The following CRTAC1 variants were observed in gnomAD, a reference collection of about 807,000 sequenced individuals.
CRTAC1 encodes acidic secreted protein in cartilage.
CRTAC1 carries 37 observed loss-of-function variants against 67.8 expected under a neutral mutation model. That is an observed-to-expected ratio of 0.55 (90% confidence interval 0.42 to 0.72). The LOEUF is 0.72. Ranked by LOEUF, CRTAC1 falls within the 30% of genes least tolerant of loss-of-function variation. CRTAC1 has a pLI of 0.00. For missense variants in CRTAC1, 780 were observed against 931.6 expected, an observed-to-expected ratio of 0.84 and a Z score of 2.12; for synonymous variants, 348 against 371.0, an observed-to-expected ratio of 0.94 and a Z score of 0.71.
chr10:97,940,706 G>A (rs569751739), intron 2 of CRTAC1, among the ~76,000 whole-genome samples: 1 of 152,216 alleles, frequency 6.6e-6, no homozygotes. Context: ...CCCCAAGCTT[G>A]TCCCTCGGTT....
intron 2 of CRTAC1, among the ~76,000 whole-genome samples, chr10:98,002,235 C>T (rs575654481): frequency 3.3e-5 from 5 of 152,258 alleles, no homozygotes; most frequent in African/African-American, 7.2e-5. Flanking sequence ...GTAGCTTTGC[C>T]GTTTTCAGCA....
chr10:97,929,037 G>A (rs553480631), intron 3 of CRTAC1, among the ~76,000 whole-genome samples: 1 of 152,180 alleles, frequency 6.6e-6, no homozygotes, highest in Admixed American at 6.5e-5. Context: ...GATCGGGATG[G>A]GGAAGAAGCA....
chr10:98,008,444 A>G (rs1268390719), intron 2 of CRTAC1, among the ~76,000 whole-genome samples: 25 of 151,888 alleles, frequency 1.6e-4, no homozygotes, highest in South Asian at 2.1e-4. Context: ...GGGGCACCCA[A>G]CGGGTCTCCT....
Position 97,904,779 on chromosome 10 carries a change from C to T in CRTAC1, c.886G>A (p.Ala296Thr), listed in dbSNP as rs763612671. The change falls in exon 7 of 15, where the codon GCC becomes ACC. Residue 296 changes from alanine to threonine, a missense_variant. Transcript: ENST00000370597. ...DDPHQHGRGV[A>T]LADFNRDGKV... The stretch of plus-strand genomic sequence containing the variant: ...CCATCACGGTTGAAGTCAGCCAGGG[C>T]GACACCTCGCCCATGCTGGTGGGGG... 10 of 1,603,228 alleles carry T rather than the reference C, an allele frequency of 6.2e-6. No homozygotes were observed. The East Asian group carries it at 1.8e-4, about 29-fold the overall frequency.
intron 8 of CRTAC1, among the ~76,000 whole-genome samples, chr10:97,899,053 T>C (rs1018356108): frequency 6.6e-6 from 1 of 152,180 alleles, no homozygotes; most frequent in African/African-American, 2.4e-5. Context: ...TCCTGGCATG[T>C]TCCTGGAGAG....
intron 1 of CRTAC1, among the ~76,000 whole-genome samples, chr10:98,017,944 C>T (rs1590296759): frequency 2.0e-5 from 3 of 151,790 alleles, no homozygotes; most frequent in Admixed American, 1.3e-4. Context: ...TGCCTGGAAT[C>T]CCAGCACTTT....
Position 97,895,729 on chromosome 10 carries a change from C to T in CRTAC1, c.1317+156G>A, listed in dbSNP as rs771992032. On this transcript the variant is annotated intron_variant, in intron 10 of 14. Transcript: ENST00000370597. The surrounding 1 kb of genome is among the most constrained non-coding windows in gnomAD (Gnocchi z 4.2). ...CCAAGGCGGCCCTTCCTGAGCTTCC[C>T]GGTGCTGCTGGAATTTACTTCCCTC... 1.1e-4 allele frequency among the ~76,000 whole-genome samples: 17 copies of T among 152,114 alleles called. No homozygotes were observed. Among genetic ancestry groups the T allele is most frequent in the African/African-American group, 2.9e-4 (12 of 41,420 alleles).
intron 5 of CRTAC1, among the ~76,000 whole-genome samples, chr10:97,911,597 G>T (rs1192677967): frequency 6.6e-6 from 1 of 152,200 alleles, no homozygotes; most frequent in Non-Finnish European, 1.5e-5. Flanking sequence ...GGGGGCTGAG[G>T]TGGGGCAGCC....
chr10:97,920,519 C>T (rs1188575465), intron 4 of CRTAC1, among the ~76,000 whole-genome samples: 1 of 152,072 alleles, frequency 6.6e-6, no homozygotes, highest in African/African-American at 2.4e-5. Flanking sequence ...TTTTAAACAT[C>T]TGGCCCCATC....
At chr10:97,945,868 C>T (rs1459082592) in intron 2 of CRTAC1, among the ~76,000 whole-genome samples, 1 of 152,210 alleles carries the variant, frequency 6.6e-6, no homozygotes, top group African/African-American at 2.4e-5. Flanking sequence ...GTGATGGTGT[C>T]TGTGTTCTGT....
rs1564894195 is a variant in CRTAC1, at chr10:97,919,041, GCCT to G, written c.559-1388_559-1386del. On this transcript the variant is annotated intron_variant, in intron 4 of 14. Transcript: ENST00000370597. ...CTCAAGTGATCCACCACCCCCCCCC[GCCT>G]CAGCCTCCCAAAGTGCTGGAATTAC... 2.5e-3 allele frequency among the ~76,000 whole-genome samples: 348 copies of G among 140,964 alleles called. 2 individuals are homozygous for G. The highest frequency in any genetic ancestry group is 9.2e-3 in the African/African-American group (340 of 37,078). 92.5% of individuals were successfully genotyped at this position (140,964 alleles called of 152,430 possible).
At chr10:97,966,071 T>A (rs1347468860) in intron 2 of CRTAC1, among the ~76,000 whole-genome samples, 1 of 152,192 alleles carries the variant, frequency 6.6e-6, no homozygotes, top group East Asian at 1.9e-4. Flanking sequence ...ACTACATAGG[T>A]AGGGAAAGCT....
intron 2 of CRTAC1, among the ~76,000 whole-genome samples, chr10:97,977,319 C>T (rs1031362075): frequency 1.3e-5 from 2 of 152,094 alleles, no homozygotes; most frequent in African/African-American, 2.4e-5. Flanking sequence ...GGGAGGAGAG[C>T]GGCAGCTCCA....
intron 2 of CRTAC1, among the ~76,000 whole-genome samples, chr10:97,950,287 AGAGT>A (rs1354421845): frequency 1.3e-4 from 19 of 149,078 alleles, no homozygotes; most frequent in Non-Finnish European, 2.5e-4. Flanking sequence ...AGAGAGAGAG[AGAGT>A]ATGGCTATTA....
At chr10:97,877,430 C>G (rs1238552154) in intron 14 of CRTAC1, among the ~76,000 whole-genome samples, 1 of 146,578 alleles carries the variant, frequency 6.8e-6, no homozygotes, top group African/African-American at 2.7e-5. Context: ...TGCCTAGAGC[C>G]TAGCTCAGTA....
chr10:97,896,607 C>T lies in CRTAC1; in HGVS notation c.1216+302G>A, dbSNP rs560875339. ...GGGGCTCTCTCCTCTCCTTTCCATC[C>T]CCACCTGGCAAGGCATGGCCAGAGA... On this transcript the variant is annotated intron_variant, in intron 9 of 14. Coordinates refer to ENST00000370597, the MANE Select transcript of CRTAC1 (RefSeq NM_018058.7). 1.6e-4 allele frequency among the ~76,000 whole-genome samples: 25 copies of T among 152,256 alleles called. 1 individual carries two copies. The South Asian group carries it at 5.0e-3, about 30-fold the overall frequency.
At chr10:97,991,576 T>G (rs1218017599) in intron 2 of CRTAC1, among the ~76,000 whole-genome samples, 3 of 152,182 alleles carry the variant, frequency 2.0e-5, no homozygotes, top group African/African-American at 7.2e-5. Context: ...AAGAAACATA[T>G]TCATACTCAA....
chr10:97,926,046 C>G lies in CRTAC1; in HGVS notation c.422-2646G>C, dbSNP rs1009430759. Among the ~76,000 whole-genome samples the G allele has an allele frequency of 5.3e-5, 8 of 152,188 alleles. 1 individual carries two copies. Among genetic ancestry groups the G allele is most frequent in the Admixed American group, 1.3e-4 (2 of 15,286 alleles). On this transcript the variant is annotated intron_variant, in intron 3 of 14. Coordinates refer to ENST00000370597, the MANE Select transcript of CRTAC1 (RefSeq NM_018058.7). ...ACAGCAGGGAACCGGCACCCTCTCT[C>G]CCTGCCTGCTGTCCGGAGAAGCCTG...
At chr10:97,974,539 T>C (rs1046612657) in intron 2 of CRTAC1, among the ~76,000 whole-genome samples, 26 of 152,216 alleles carry the variant, frequency 1.7e-4, no homozygotes, top group African/African-American at 6.0e-4. Context: ...TCCTCAAAAA[T>C]AAAGAAAAAA....
Sources: allele counts gnomAD v4.1 joint callset (sites outside exome capture counted in the v4.1 genomes callset), GRCh38; gene constraint gnomAD v4.1.1; non-coding constraint Gnocchi (gnomAD v3.1); transcripts MANE v1.5; gene names NCBI Gene and HGNC (gene_info 2026-07-23, HGNC 2026-07-21).